The following DNAH3 variants were observed in gnomAD, a reference collection of about 807,000 sequenced individuals.
The protein encoded by DNAH3 is dynein axonemal heavy chain 3.
DNAH3 carries 332 observed loss-of-function variants against 432.5 expected under a neutral mutation model. That is an observed-to-expected ratio of 0.77 (90% CI 0.70 to 0.84). The LOEUF (loss-of-function observed/expected upper bound fraction) is 0.84, where lower values mean the gene tolerates loss of function less well. Among genes scored for constraint, DNAH3 ranks in the 40% least tolerant of loss-of-function variants. The probability of loss-of-function intolerance (pLI) is 0.00; values close to 1 mark genes in which losing one functional copy is unlikely to be tolerated. For synonymous variants in DNAH3, 1,956 were observed against 1,900.2 expected, an observed-to-expected ratio of 1.03 and a Z score of -0.76; for missense variants, 4,861 against 5,114.0, an observed-to-expected ratio of 0.95 and a Z score of 1.51.
intron 55 of DNAH3, 41 bp downstream of exon 55, chr16:20,954,772 T>C: frequency 6.2e-7 from 1 of 1,601,294 alleles, no homozygotes; most frequent in South Asian, 1.1e-5. Flanking sequence ...GTGTCTGATA[T>C]CCTTTCCCTC....
chr16:21,145,492 G>T, intron 2 of DNAH3, 86 bp from the exon 4 acceptor site: 2 of 1,182,174 alleles, frequency 1.7e-6, no homozygotes, highest in Non-Finnish European at 2.5e-6. Flanking sequence ...GCTCACAAGA[G>T]TTCCAAGTGC....
intron 5 of DNAH3, 143 bp from the exon 7 acceptor site, chr16:21,136,656 G>A (rs2092647283): frequency 5.3e-6 from 4 of 749,150 alleles, no homozygotes; most frequent in Non-Finnish European, 9.0e-6. Context: ...TTCTGGGCCT[G>A]TCGCTTCACA....
chr16:21,088,510 C>T (rs2091446234), intron 18 of DNAH3, among the ~76,000 whole-genome samples: 1 of 152,080 alleles, frequency 6.6e-6, no homozygotes, highest in Admixed American at 6.6e-5. Context: ...TAGAGACAGC[C>T]TGAACTGACA....
At chr16:21,030,859 C>A (rs1458399240) in intron 37 of DNAH3, among the ~76,000 whole-genome samples, 186 bp downstream of exon 37, 3 of 152,168 alleles carry the variant, frequency 2.0e-5, no homozygotes, top group Admixed American at 6.5e-5. Flanking sequence ...TTACCAACTA[C>A]AAGTACAAAC....
intron 31 of DNAH3, among the ~76,000 whole-genome samples, chr16:21,047,828 T>C (rs1207031168): frequency 6.6e-6 from 1 of 150,602 alleles, no homozygotes; most frequent in Non-Finnish European, 1.5e-5. Context: ...TGGTCTTTGA[T>C]GATGGTGATG....
At chr16:21,054,357 T>G in intron 28 of DNAH3, 63 bp downstream of exon 28, 1 of 1,259,686 alleles carries the variant, frequency 7.9e-7, no homozygotes, top group Non-Finnish European at 1.2e-6. Flanking sequence ...AGAACTGAGA[T>G]GAGCAAGACT....
At chr16:21,120,541 T>A in intron 11 of DNAH3, 2 of 608,482 alleles carry the variant, frequency 3.3e-6, no homozygotes, top group East Asian at 5.5e-5. Context: ...CACTAACCAG[T>A]TCAGAGATAA....
intron 32 of DNAH3, among the ~76,000 whole-genome samples, chr16:21,040,506 CA>C (rs2089396270): frequency 1.3e-5 from 2 of 151,418 alleles, no homozygotes; most frequent in Non-Finnish European, 2.9e-5. Context: ...CTGGGGATTA[CA>C]GGTGCCCAAC....
rs73540413 is a variant in DNAH3 at position 21,064,157 on chromosome 16, A to G, written c.3519-1474T>C. On this transcript the variant is annotated intron_variant, in intron 24 of 61. Coordinates refer to ENST00000261383, the Ensembl canonical transcript of DNAH3. Reference sequence around the variant, plus strand: ...TGAACATGAGTCTGTGCACGTTCTAAGCCTAGGCATCAAGAGGCCATGATG... The same window carrying G: ...TGAACATGAGTCTGTGCACGTTCTAGGCCTAGGCATCAAGAGGCCATGATG... 1.5e-3 allele frequency among the ~76,000 whole-genome samples: 229 copies of G among 152,308 alleles called. 1 individual carries two copies. The highest frequency in any genetic ancestry group is 5.4e-3 in the African/African-American group (226 of 41,568).
chr16:21,148,115 G>A (rs1198224132), intron 1 of DNAH3, among the ~76,000 whole-genome samples: 1 of 152,172 alleles, frequency 6.6e-6, no homozygotes, highest in African/African-American at 2.4e-5. Flanking sequence ...GATCACTGAT[G>A]AGGGTGGGAT....
At chr16:21,024,515 G>T in intron 39 of DNAH3, 81 bp downstream of exon 39, 1 of 983,734 alleles carries the variant, frequency 1.0e-6, no homozygotes, top group Non-Finnish European at 1.5e-6. Context: ...GGACTATGAA[G>T]GTGAAGATGT....
intron 31 of DNAH3, among the ~76,000 whole-genome samples, chr16:21,048,796 C>T (rs2089832999): frequency 6.6e-6 from 1 of 151,898 alleles, no homozygotes; most frequent in African/African-American, 2.4e-5. Context: ...CAGGTTCAAG[C>T]CATTCTCCTG....
chr16:21,072,024 A>C (rs537823165), intron 21 of DNAH3, among the ~76,000 whole-genome samples: 2 of 152,108 alleles, frequency 1.3e-5, no homozygotes, highest in Non-Finnish European at 2.9e-5. Flanking sequence ...TACAGCTATT[A>C]GTTTTTCTTT....
At chr16:21,095,795 C>T (rs926959912) in intron 18 of DNAH3, among the ~76,000 whole-genome samples, 2 of 152,058 alleles carry the variant, frequency 1.3e-5, no homozygotes, top group Non-Finnish European at 2.9e-5. Context: ...GACAGGGTCT[C>T]GCTCTGTCTC....
intron 2 of DNAH3, 45 bp from the exon 4 acceptor site, chr16:21,145,451 C>G: frequency 6.6e-7 from 1 of 1,523,770 alleles, no homozygotes. Context: ...AGGAACATCT[C>G]TCGATGAGCC....
At position 21,137,261 on chromosome 16, in the gene DNAH3, TA is replaced by T. The variant is rs60457553; in HGVS notation, c.697-749del. ...AGACAAACAGGGTTGGATTTCTGTC[TA>T]AAAAAAAAAAAAAAAAAGTAAAGGA... On this transcript the variant is annotated intron_variant, in intron 5 of 61. Transcript: ENST00000261383. Among the ~76,000 whole-genome samples, 250 of 116,990 alleles carry T rather than the reference TA, an allele frequency of 2.1e-3. 1 individual carries two copies. The highest frequency in any genetic ancestry group is 0.013 in the Middle Eastern group (3 of 230). 76.7% of individuals were successfully genotyped at this position (116,990 alleles called of 152,430 possible). A position where few individuals can be genotyped will look rare whatever the true frequency, so the allele number is the denominator to read the frequency against.
chr16:20,965,972 C>T (rs577596762), intron 52 of DNAH3, among the ~76,000 whole-genome samples: 63 of 147,958 alleles, frequency 4.3e-4, no homozygotes, highest in African/African-American at 1.5e-3. Flanking sequence ...CTCGGCCTCC[C>T]AAATTGCTAA....
intron 7 of DNAH3, among the ~76,000 whole-genome samples, chr16:21,132,262 A>G (rs2092575848): frequency 6.6e-6 from 1 of 152,232 alleles, no homozygotes; most frequent in African/African-American, 2.4e-5. Context: ...AACACGTTCA[A>G]AGCTAGAGAT....
At chr16:21,033,319 A>G (rs1176106850) in intron 36 of DNAH3, among the ~76,000 whole-genome samples, 1 of 152,246 alleles carries the variant, frequency 6.6e-6, no homozygotes, top group African/African-American at 2.4e-5. Context: ...TTTTATAAAA[A>G]CAAAACAAAA....
Sources: allele counts gnomAD v4.1 joint callset (sites outside exome capture counted in the v4.1 genomes callset), GRCh38; gene constraint gnomAD v4.1.1; transcripts MANE v1.5; gene names NCBI Gene and HGNC (gene_info 2026-07-23, HGNC 2026-07-21).